The following HS3ST4 variants were observed in gnomAD, a reference collection of about 807,000 sequenced individuals.
The protein encoded by HS3ST4 is heparan sulfate-glucosamine 3-sulfotransferase 4.
HS3ST4 carries 17 observed loss-of-function variants against 29.2 expected under a neutral mutation model. That is an observed-to-expected ratio of 0.58 (90% CI 0.40 to 0.87). HS3ST4 has a LOEUF of 0.87. HS3ST4 is among the 40% of genes least tolerant of loss of function. The pLI is 0.00. For missense variants in HS3ST4, 627 were observed against 634.5 expected (o/e 0.99, Z 0.13); for synonymous variants, 314 against 285.7 (o/e 1.10, Z -1.00).
chr16:25,819,526 G>A (rs1967126230), intron 1 of HS3ST4, among the ~76,000 whole-genome samples: 2 of 152,098 alleles, frequency 1.3e-5, no homozygotes, highest in African/African-American at 2.4e-5. Context: ...AAAAATGCAC[G>A]GCCGTCTGTT....
intron 1 of HS3ST4, among the ~76,000 whole-genome samples, chr16:26,131,579 A>T (rs1459131403): frequency 1.3e-5 from 2 of 152,224 alleles, no homozygotes; most frequent in Admixed American, 6.5e-5. Context: ...GAGAAGAGAA[A>T]TTGAGAGAAA....
intron 1 of HS3ST4, among the ~76,000 whole-genome samples, chr16:26,041,848 C>A (rs1379058928): frequency 6.6e-6 from 1 of 152,192 alleles, no homozygotes; most frequent in Non-Finnish European, 1.5e-5. Flanking sequence ...AAACCATGAT[C>A]TCTGATCACA....
chr16:26,028,515 C>T (rs1374574972), intron 1 of HS3ST4, among the ~76,000 whole-genome samples: 1 of 152,102 alleles, frequency 6.6e-6, no homozygotes, highest in Non-Finnish European at 1.5e-5. Context: ...TGGTCTGAGG[C>T]GATCCTCCTG....
intron 1 of HS3ST4, among the ~76,000 whole-genome samples, chr16:25,953,716 G>A (rs976620883): frequency 1.1e-4 from 17 of 152,148 alleles, no homozygotes; most frequent in Non-Finnish European, 2.2e-4. Context: ...AGTGGTTCCG[G>A]GAAGCACTGG....
At chr16:25,927,314 G>T (rs901841657) in intron 1 of HS3ST4, among the ~76,000 whole-genome samples, 2 of 152,198 alleles carry the variant, frequency 1.3e-5, no homozygotes, top group Non-Finnish European at 1.5e-5. Flanking sequence ...CAGCCTTTTG[G>T]GAATGTTGGA....
At chr16:26,120,180 G>A (rs1399371630) in intron 1 of HS3ST4, among the ~76,000 whole-genome samples, 4 of 152,084 alleles carry the variant, frequency 2.6e-5, no homozygotes, top group East Asian at 3.9e-4. Flanking sequence ...GTGTAGGTAT[G>A]TGAATACCTC....
At chr16:26,043,614 A>G (rs2141760216) in intron 1 of HS3ST4, among the ~76,000 whole-genome samples, 1 of 152,316 alleles carries the variant, frequency 6.6e-6, no homozygotes, top group East Asian at 1.9e-4. Context: ...TCATGTGAGA[A>G]TTGTAACCAC....
chr16:25,941,370 G>A (rs1400961532), intron 1 of HS3ST4, among the ~76,000 whole-genome samples: 3 of 151,972 alleles, frequency 2.0e-5, no homozygotes, highest in African/African-American at 4.8e-5. Context: ...TGTTGGTCAG[G>A]CTGGTCTTGA....
intron 1 of HS3ST4, among the ~76,000 whole-genome samples, chr16:25,822,883 G>A (rs182006674): frequency 2.6e-4 from 39 of 152,034 alleles, no homozygotes; most frequent in African/African-American, 8.0e-4. Context: ...GACTACAGGC[G>A]TGCACCACCA....
chr16:26,123,859 TG>T (rs1356034332), intron 1 of HS3ST4, among the ~76,000 whole-genome samples: 3 of 152,224 alleles, frequency 2.0e-5, no homozygotes, highest in African/African-American at 7.2e-5. Context: ...TTCCTTTTTA[TG>T]TCTGCATAGT....
intron 1 of HS3ST4, among the ~76,000 whole-genome samples, chr16:25,805,234 A>G (rs1236776719): frequency 6.6e-6 from 1 of 152,216 alleles, no homozygotes; most frequent in African/African-American, 2.4e-5. Flanking sequence ...GGGGAGGACA[A>G]AGGGAAGCTT....
At chr16:25,956,431 A>G (rs1056667223) in intron 1 of HS3ST4, among the ~76,000 whole-genome samples, 5 of 152,198 alleles carry the variant, frequency 3.3e-5, no homozygotes, top group African/African-American at 1.2e-4. Context: ...TACCACTTCT[A>G]TTCAACCTAA....
At chr16:25,721,364 C>A (rs937680608) in intron 1 of HS3ST4, among the ~76,000 whole-genome samples, 5 of 152,160 alleles carry the variant, frequency 3.3e-5, no homozygotes, top group Non-Finnish European at 7.3e-5. Context: ...TGCAGAACTA[C>A]CTTTTATGGG....
At chr16:26,074,564 C>G (rs1596671891) in intron 1 of HS3ST4, among the ~76,000 whole-genome samples, 1 of 152,254 alleles carries the variant, frequency 6.6e-6, no homozygotes, top group South Asian at 2.1e-4. Context: ...AGACAAAAGC[C>G]AACATACTAC....
intron 1 of HS3ST4, among the ~76,000 whole-genome samples, chr16:25,756,434 C>A (rs1283051997): frequency 6.6e-6 from 1 of 152,014 alleles, no homozygotes; most frequent in Non-Finnish European, 1.5e-5. Context: ...TACAATGATC[C>A]AGTTGAGGGA....
chr16:25,837,398 G>A (rs929825872), intron 1 of HS3ST4, among the ~76,000 whole-genome samples: 1 of 152,102 alleles, frequency 6.6e-6, no homozygotes, highest in Admixed American at 6.5e-5. Context: ...AAATGATGAG[G>A]ATTATTTTCC....
chr16:25,918,124 G>A lies in HS3ST4; in HGVS notation c.735-217488G>A, dbSNP rs546801574. 3.3e-5 allele frequency among the ~76,000 whole-genome samples: 5 copies of A among 152,284 alleles called. No individual in the cohort carries two copies. The East Asian group carries it at 9.6e-4, about 29-fold the overall frequency. On this transcript the variant is annotated intron_variant, in intron 1 of 1. Coordinates refer to ENST00000331351, the MANE Select transcript of HS3ST4 (RefSeq NM_006040.3). ...TAACAATTCAATTCAACACACATTT[G>A]TTGGACAGTAGGTCTTGGTGATACA...
chr16:26,005,204 AG>A (rs1256079023), intron 1 of HS3ST4, among the ~76,000 whole-genome samples: 4 of 152,230 alleles, frequency 2.6e-5, no homozygotes, highest in Non-Finnish European at 5.9e-5. Context: ...GGAGATACTC[AG>A]GCCAGTTTGG....
In HS3ST4 at chr16:26,079,191, C is replaced by T. The variant is rs569423989; in HGVS notation, c.735-56421C>T. Among the ~76,000 whole-genome samples, 12 of 152,250 alleles carry T rather than the reference C, an allele frequency of 7.9e-5. No homozygotes were observed. The East Asian group carries it at 1.2e-3, about 15-fold the overall frequency. On this transcript the variant is annotated intron_variant, in intron 1 of 1. Transcript: ENST00000331351. ...ACCCTGAGCAGGCGCCTGGGATGCC[C>T]GAGACATAATAAACGAGCTGCCTCT...
Sources: gnomAD v4.1 joint callset for allele counts (sites outside exome capture counted in the v4.1 genomes callset) on GRCh38, gnomAD v4.1.1 for gene constraint, MANE v1.5 for transcripts, NCBI Gene and HGNC (gene_info 2026-07-23, HGNC 2026-07-21) for gene names.